Variants in PIK3AP1 observed in about 807,000 individuals in gnomAD.
PIK3AP1 encodes the protein phosphoinositide 3-kinase adapter protein 1.
PIK3AP1 carries 21 observed loss-of-function variants against 88.1 expected under a neutral mutation model. That is an observed-to-expected ratio of 0.24 (90% CI 0.17 to 0.34). The LOEUF (loss-of-function observed/expected upper bound fraction) is 0.34. Among genes scored for constraint, PIK3AP1 ranks in the 10% least tolerant of loss-of-function variants. The pLI, the probability that PIK3AP1 is intolerant of heterozygous loss-of-function variation, is 1.00. For synonymous variants in PIK3AP1, 398 were observed against 400.0 expected (o/e 1.00, Z 0.06); for missense variants, 828 against 1,035.7 (o/e 0.80, Z 2.75).
intron 16 of PIK3AP1, among the ~76,000 whole-genome samples, chr10:96,597,363 T>C (rs112338936): frequency 0.2 from 24,109 of 121,836 alleles, 3,245 homozygotes; most frequent in Admixed American, 0.3. Flanking sequence ...TCCCTCTCTC[T>C]CTCTCTCTCT....
chr10:96,665,684 C>T (rs1843751460), intron 2 of PIK3AP1, among the ~76,000 whole-genome samples: 1 of 152,152 alleles, frequency 6.6e-6, no homozygotes, highest in Admixed American at 6.6e-5. Flanking sequence ...GGGGGTCCTG[C>T]CACAGGAGTC....
At chr10:96,696,380 T>A (rs972839880) in intron 2 of PIK3AP1, among the ~76,000 whole-genome samples, 2 of 152,178 alleles carry the variant, frequency 1.3e-5, no homozygotes, top group Non-Finnish European at 2.9e-5. Context: ...AAACTGAAAA[T>A]TTTCTGCCCA....
In PIK3AP1 at chr10:96,702,604, AG is replaced by A. The variant is rs1372958294; in HGVS notation, c.430+6962del. Among the ~76,000 whole-genome samples, 5 of 139,918 alleles carry A rather than the reference AG, an allele frequency of 3.6e-5. No homozygotes were observed. The East Asian group carries it at 1.0e-3, about 29-fold the overall frequency. The allele number at this position is 139,918 out of a possible 152,430, so 91.8% of individuals were successfully genotyped here. A position where few individuals can be genotyped will look rare whatever the true frequency, so the allele number is the denominator to read the frequency against. ...TGAAATTTGCTAAGACTAGACTTTA[AG>A]TGTTCTCACCACACACACACACACA... is the stretch of plus-strand genomic sequence containing the variant. On this transcript the variant is annotated intron_variant, in intron 2 of 16. Transcript: ENST00000339364.
intron 8 of PIK3AP1, chr10:96,632,887 CA>C (rs1331052211): frequency 1.2e-6 from 2 of 1,611,874 alleles, no homozygotes; most frequent in African/African-American, 2.7e-5. Flanking sequence ...TTCAGACTCA[CA>C]AGATGACCCT....
chr10:96,629,930 A>AAAAAAAAAAAAGAAGAAGAAG, intron 8 of PIK3AP1, among the ~76,000 whole-genome samples: 1 of 13,726 alleles, frequency 7.3e-5, no homozygotes, highest in African/African-American at 1.8e-4. Context: ...AAAAAAAAAA[A>AAAAAAAAAAAAGAAGAAGAAG]AAGAAGAAGA....
chr10:96,641,722 TAA>T (rs1843392057), intron 8 of PIK3AP1, among the ~76,000 whole-genome samples: 1 of 152,154 alleles, frequency 6.6e-6, no homozygotes, highest in African/African-American at 2.4e-5. Context: ...GGGACTTAAG[TAA>T]GTTACTAAAT....
chr10:96,693,118 A>C (rs1844176024), intron 2 of PIK3AP1, among the ~76,000 whole-genome samples: 1 of 152,214 alleles, frequency 6.6e-6, no homozygotes, highest in Non-Finnish European at 1.5e-5. Context: ...GGCTCCAATA[A>C]AACTTTTCTT....
chr10:96,633,139 A>G lies in PIK3AP1; in HGVS notation c.1376-4646T>C, dbSNP rs1330800078. Reference sequence around the variant, plus strand: ...CACCATGAGAGGTATGCCAGAGTCAATGCCCTCAGGAAAGCCCAAAGAATG... The same window carrying G: ...CACCATGAGAGGTATGCCAGAGTCAGTGCCCTCAGGAAAGCCCAAAGAATG... On this transcript the variant is annotated intron_variant, in intron 8 of 16. Transcript: ENST00000339364. The G allele has an allele frequency of 6.2e-6, 9 of 1,449,962 alleles. No individual in the cohort carries two copies. In the East Asian group the frequency reaches 2.0e-4, roughly 32 times the overall value. 89.8% of individuals were successfully genotyped at this position (1,449,962 alleles called of 1,614,324 possible).
intron 12 of PIK3AP1, chr10:96,619,510 T>A (rs1209210955): frequency 6.6e-6 from 1 of 152,212 alleles, no homozygotes; most frequent in African/African-American, 2.4e-5. Flanking sequence ...CAGTCCTGAC[T>A]CGGCCCCTCA....
intron 16 of PIK3AP1, among the ~76,000 whole-genome samples, chr10:96,597,453 A>G (rs1228992270): frequency 6.6e-6 from 1 of 150,754 alleles, no homozygotes; most frequent in Non-Finnish European, 1.5e-5. Context: ...ACAGCAAGTA[A>G]AGTGGTCATG....
At chr10:96,710,309 C>T (rs1402038382) in intron 1 of PIK3AP1, among the ~76,000 whole-genome samples, 1 of 152,150 alleles carries the variant, frequency 6.6e-6, no homozygotes, top group African/African-American at 2.4e-5. Context: ...GCAACCTCTG[C>T]CTCCCGGGTT....
intron 6 of PIK3AP1, among the ~76,000 whole-genome samples, chr10:96,650,853 G>A (rs1398625161): frequency 6.6e-6 from 1 of 152,110 alleles, no homozygotes; most frequent in African/African-American, 2.4e-5. Context: ...AGAGAGATGA[G>A]GGCTTGTTCA....
rs1232476401 is a variant in PIK3AP1, at chr10:96,594,171, G to A, written c.*1406C>T. ...AAGGCTCCATATTCCATGCAAAAAT[G>A]GACTTACTGAGCATGGTGGTAATAA... On this transcript the variant is annotated 3_prime_UTR_variant, in exon 17 of 17. Coordinates refer to ENST00000339364, the MANE Select transcript of PIK3AP1 (RefSeq NM_152309.3). This position sits in a 1 kb window ranked among gnomAD's most constrained non-coding sequence, Gnocchi z 4.6. 6.6e-6 allele frequency: 1 copy of A among 152,118 alleles called. No homozygotes were observed. Among genetic ancestry groups the A allele is most frequent in the Non-Finnish European group, 1.5e-5 (1 of 68,032 alleles). 9.4% of individuals were successfully genotyped at this position (152,118 alleles called of 1,614,324 possible).
At chr10:96,698,471 T>G (rs1266944898) in intron 2 of PIK3AP1, among the ~76,000 whole-genome samples, 2 of 151,358 alleles carry the variant, frequency 1.3e-5, no homozygotes, top group Non-Finnish European at 3.0e-5. Context: ...GCTAACATGG[T>G]GAAACCCCAT....
intron 8 of PIK3AP1, among the ~76,000 whole-genome samples, chr10:96,638,934 G>A (rs775635238): frequency 5.2e-5 from 3 of 57,344 alleles, no homozygotes; most frequent in Admixed American, 4.8e-4. Context: ...AAACACATGA[G>A]AGGTTTGAAA....
intron 1 of PIK3AP1, among the ~76,000 whole-genome samples, chr10:96,719,450 A>G (rs541087826): frequency 6.6e-6 from 1 of 152,098 alleles, no homozygotes; most frequent in Non-Finnish European, 1.5e-5. Flanking sequence ...AAGTAAACCC[A>G]TTTGTAAACA....
At chr10:96,656,995 C>A (rs1843624132) in intron 2 of PIK3AP1, 61 bp from the exon 3 acceptor site, 9 of 1,580,124 alleles carry the variant, frequency 5.7e-6, no homozygotes, top group Non-Finnish European at 7.8e-6. Context: ...GGACATGTTC[C>A]ACCCCATGAG....
intron 2 of PIK3AP1, among the ~76,000 whole-genome samples, chr10:96,691,980 C>T (rs113748674): frequency 2.6e-5 from 4 of 152,234 alleles, no homozygotes; most frequent in African/African-American, 4.8e-5. Flanking sequence ...AAGATTTCTC[C>T]ACAATAAACT....
Position 96,684,295 on chromosome 10 carries a change from A to T in PIK3AP1, c.430+25272T>A, listed in dbSNP as rs531983041. ...AGTATCTTACATGCCCAGAAGTGAG[A>T]AGTCTTGCATATTAAGTGTGATAAT... On this transcript the variant is annotated intron_variant, in intron 2 of 16. Coordinates refer to ENST00000339364, the MANE Select transcript of PIK3AP1 (RefSeq NM_152309.3). 5.9e-5 allele frequency among the ~76,000 whole-genome samples: 9 copies of T among 152,338 alleles called. No individual in the cohort carries two copies. The East Asian group carries it at 1.5e-3, about 26-fold the overall frequency.
Sources: allele counts gnomAD v4.1 joint callset (sites outside exome capture counted in the v4.1 genomes callset), GRCh38; gene constraint gnomAD v4.1.1; non-coding constraint Gnocchi (gnomAD v3.1); transcripts MANE v1.5; gene names NCBI Gene and HGNC (gene_info 2026-07-23, HGNC 2026-07-21).